The following CDKAL1 variants were observed in gnomAD, a reference collection of about 807,000 sequenced individuals.
CDKAL1 encodes threonylcarbamoyladenosine tRNA methylthiotransferase.
CDKAL1 carries 32 observed loss-of-function variants against 68.2 expected under a neutral mutation model. The ratio of observed to expected loss-of-function variants is 0.47; its 90% CI spans 0.35 to 0.63. The LOEUF is 0.63. CDKAL1 is among the 30% of genes least tolerant of loss of function. The pLI is 0.00. For synonymous variants in CDKAL1, 234 were observed against 244.3 expected (o/e 0.96, Z 0.39); for missense variants, 606 against 696.7 (o/e 0.87, Z 1.47).
intron 15 of CDKAL1, among the ~76,000 whole-genome samples, chr6:21,207,869 A>G (rs1778999857): frequency 6.6e-6 from 1 of 152,224 alleles, no homozygotes; most frequent in Non-Finnish European, 1.5e-5. Context: ...TTCATCAGCC[A>G]TAGATTTCTG....
At chr6:20,994,917 T>C (rs941156777) in intron 10 of CDKAL1, among the ~76,000 whole-genome samples, 3 of 152,222 alleles carry the variant, frequency 2.0e-5, no homozygotes, top group African/African-American at 7.2e-5. Context: ...GCAGTGCAGC[T>C]TCTCTCAAAA....
At chr6:21,188,737 C>G (rs555872850) in intron 13 of CDKAL1, among the ~76,000 whole-genome samples, 81 of 152,170 alleles carry the variant, frequency 5.3e-4, no homozygotes, top group Non-Finnish European at 9.6e-4. Flanking sequence ...GTACTTTGTG[C>G]CGGCTCTGTG....
chr6:20,940,906 C>T lies in CDKAL1; in HGVS notation c.743-14513C>T, dbSNP rs1042350879. Among the ~76,000 whole-genome samples, 16 of 152,128 alleles carry T rather than the reference C, an allele frequency of 1.1e-4. No homozygotes were observed. In the East Asian group the frequency reaches 2.1e-3, roughly 20 times the overall value. The stretch of plus-strand genomic sequence containing the variant: ...GAGATCAAGACCATCCTGGCTAACA[C>T]AGTGAAACCGCGTCTCTACTAAAAA... On this transcript the variant is annotated intron_variant, in intron 9 of 15. Coordinates refer to ENST00000274695, the MANE Select transcript of CDKAL1 (RefSeq NM_017774.3).
intron 9 of CDKAL1, among the ~76,000 whole-genome samples, chr6:20,943,670 T>C (rs1764099628): frequency 6.6e-6 from 1 of 152,124 alleles, no homozygotes; most frequent in Non-Finnish European, 1.5e-5. Context: ...TTTTTTATCA[T>C]GTTCATATTT....
chr6:21,180,680 T>C (rs1322891778), intron 13 of CDKAL1, among the ~76,000 whole-genome samples: 1 of 152,182 alleles, frequency 6.6e-6, no homozygotes, highest in African/African-American at 2.4e-5. Flanking sequence ...CTAATTTTGC[T>C]CCATTAATTT....
At chr6:21,098,224 C>T (rs1301862910) in intron 12 of CDKAL1, among the ~76,000 whole-genome samples, 4 of 152,140 alleles carry the variant, frequency 2.6e-5, no homozygotes, top group Admixed American at 6.5e-5. Flanking sequence ...TTGGGAGGCT[C>T]TGATGAGGAA....
In CDKAL1 at chr6:20,862,662, T is replaced by TGCGC. The variant is rs373491559; in HGVS notation, c.742+16488_742+16491dup. Among the ~76,000 whole-genome samples the TGCGC allele has an allele frequency of 2.1e-3, 284 of 133,878 alleles. 6 individuals carry two copies. The highest frequency in any genetic ancestry group is 3.2e-3 in the East Asian group (14 of 4,404). The allele number at this position is 133,878 out of a possible 152,430, so 87.8% of individuals were successfully genotyped here. A position where few individuals can be genotyped will look rare whatever the true frequency, so the allele number is the denominator to read the frequency against. The stretch of plus-strand genomic sequence containing the variant: ...GTGTGTGTGTGTGTGTGTGTGTGTG[T>TGCGC]GCGCGCGTGCATGCGCGCGTGCGCA... On this transcript the variant is annotated intron_variant, in intron 9 of 15. Coordinates refer to ENST00000274695, the MANE Select transcript of CDKAL1 (RefSeq NM_017774.3).
intron 10 of CDKAL1, among the ~76,000 whole-genome samples, chr6:20,976,496 C>T (rs1765853209): frequency 6.6e-6 from 1 of 152,126 alleles, no homozygotes; most frequent in South Asian, 2.1e-4. Context: ...ACTGCCTCCT[C>T]CCCAATTTTT....
chr6:21,127,923 G>C (rs1378564583), intron 13 of CDKAL1, among the ~76,000 whole-genome samples: 1 of 152,186 alleles, frequency 6.6e-6, no homozygotes, highest in Non-Finnish European at 1.5e-5. Flanking sequence ...TAACTACCTG[G>C]ATGACCCTGA....
intron 9 of CDKAL1, among the ~76,000 whole-genome samples, chr6:20,913,733 T>C (rs908659496): frequency 2.6e-5 from 4 of 152,200 alleles, no homozygotes; most frequent in Non-Finnish European, 4.4e-5. Flanking sequence ...GTAATCTCAG[T>C]GCTTTGGGAA....
chr6:20,536,905 A>ATTGCT (rs759734247), intron 2 of CDKAL1, among the ~76,000 whole-genome samples: 13 of 152,362 alleles, frequency 8.5e-5, no homozygotes, highest in South Asian at 8.3e-4. Flanking sequence ...ACCACTGGAC[A>ATTGCT]TTGCTTTGCA....
Position 21,107,041 on chromosome 6 carries a change from G to A in CDKAL1, c.1237-1360G>A, listed in dbSNP as rs144366746. Among the ~76,000 whole-genome samples, 793 of 145,506 alleles carry A rather than the reference G, an allele frequency of 5.4e-3. 6 individuals are homozygous for A. Among genetic ancestry groups the A allele is most frequent in the African/African-American group, 0.018 (717 of 39,244 alleles). On this transcript the variant is annotated intron_variant, in intron 12 of 15. Transcript: ENST00000274695. ...CGGCTCACTGCAAGCTCCGCCTCCCGGGTTCACGCCATTCTCCTGCCTCAG... is the reference window on the plus strand; with the variant it reads ...CGGCTCACTGCAAGCTCCGCCTCCCAGGTTCACGCCATTCTCCTGCCTCAG...
intron 11 of CDKAL1, among the ~76,000 whole-genome samples, chr6:21,021,537 CT>C (rs1283057535): frequency 6.6e-6 from 1 of 151,990 alleles, no homozygotes; most frequent in Admixed American, 6.6e-5. Flanking sequence ...CTTTCTACAG[CT>C]TTTTTAATAA....
At chr6:20,907,865 T>C (rs1561875187) in intron 9 of CDKAL1, among the ~76,000 whole-genome samples, 1 of 152,182 alleles carries the variant, frequency 6.6e-6, no homozygotes, top group African/African-American at 2.4e-5. Context: ...CAAGCACTTC[T>C]TGTGGGCACC....
intron 12 of CDKAL1, among the ~76,000 whole-genome samples, chr6:21,073,640 A>T (rs192166450): frequency 3.3e-5 from 5 of 152,160 alleles, no homozygotes; most frequent in Admixed American, 1.3e-4. Flanking sequence ...TGCCATATGT[A>T]TGTTTTCTTT....
intron 9 of CDKAL1, among the ~76,000 whole-genome samples, chr6:20,901,699 A>AAAAAAAAAAAAAAAAAG (rs1554137984): frequency 4.0e-5 from 3 of 75,944 alleles, no homozygotes; most frequent in Non-Finnish European, 6.9e-5. Context: ...AAAAAAAAAA[A>AAAAAAAAAAAAAAAAAG]AAAAGAAAAG....
At chr6:20,633,817 A>T (rs1767777678) in intron 4 of CDKAL1, among the ~76,000 whole-genome samples, 2 of 152,124 alleles carry the variant, frequency 1.3e-5, no homozygotes, top group African/African-American at 4.8e-5. Context: ...GGCTATTTAT[A>T]TGTCTTTGGA....
intron 11 of CDKAL1, among the ~76,000 whole-genome samples, chr6:21,042,639 G>A (rs923525878): frequency 6.6e-6 from 1 of 151,842 alleles, no homozygotes; most frequent in Non-Finnish European, 1.5e-5. Flanking sequence ...TCCCCTACCT[G>A]CCCCACTGTC....
intron 9 of CDKAL1, among the ~76,000 whole-genome samples, chr6:20,930,157 A>C (rs565431179): frequency 6.6e-6 from 1 of 152,302 alleles, no homozygotes; most frequent in Non-Finnish European, 1.5e-5. Flanking sequence ...GCAGACTCAA[A>C]CCAAACTAAT....
Sources: allele counts gnomAD v4.1 joint callset (sites outside exome capture counted in the v4.1 genomes callset), GRCh38; gene constraint gnomAD v4.1.1; transcripts MANE v1.5; gene names NCBI Gene and HGNC (gene_info 2026-07-23, HGNC 2026-07-21).